ABCB1: variants seen among roughly 807,000 people sequenced by gnomAD.
ABCB1 encodes ATP-dependent translocase ABCB1.
ABCB1 carries 69 observed loss-of-function variants against 142.0 expected under a neutral mutation model. The observed-to-expected ratio is 0.49, with a 90% CI of 0.40 to 0.59. The LOEUF is 0.59. ABCB1 is among the 20% of genes least tolerant of loss of function. ABCB1 has a pLI of 0.00. For missense variants in ABCB1, 1,326 were observed against 1,554.7 expected, an observed-to-expected ratio of 0.85 and a Z score of 2.47; for synonymous variants, 532 against 539.2, an observed-to-expected ratio of 0.99 and a Z score of 0.18.
In ABCB1 at chr7:87,640,414, G is replaced by A. The variant is rs554640540; in HGVS notation, c.-330-39336C>T. On this transcript the variant is annotated intron_variant, in intron 1 of 28. Transcript: ENST00000265724. ...TGCCCAGGCTGGAGTGCAGTAGTGCGATCATAGCTCACTGCAACCCTGAAC... is the reference window on the plus strand; with the variant it reads ...TGCCCAGGCTGGAGTGCAGTAGTGCAATCATAGCTCACTGCAACCCTGAAC... Among the ~76,000 whole-genome samples the A allele has an allele frequency of 1.3e-4, 20 of 152,038 alleles. 1 individual carries two copies. In the South Asian group the frequency reaches 3.7e-3, roughly 28 times the overall value.
At chr7:87,573,612 G>T (rs1044022257) in intron 4 of ABCB1, among the ~76,000 whole-genome samples, 1 of 152,036 alleles carries the variant, frequency 6.6e-6, no homozygotes, top group African/African-American at 2.4e-5. Flanking sequence ...TAATCATAGT[G>T]CTTCCATTGA....
chr7:87,508,263 C>T (rs531445432), intron 26 of ABCB1, among the ~76,000 whole-genome samples: 2 of 152,324 alleles, frequency 1.3e-5, no homozygotes, highest in South Asian at 2.1e-4. Context: ...GAAAATTTCA[C>T]ACATGATCTC....
chr7:87,650,754 C>T (rs1343594095), intron 1 of ABCB1: 1 of 906,458 alleles, frequency 1.1e-6, no homozygotes, highest in Non-Finnish European at 1.8e-6. Flanking sequence ...TTGCCTTCCT[C>T]CCATTTTTTT....
chr7:87,591,018 T>A (rs12535512), intron 3 of ABCB1, among the ~76,000 whole-genome samples: 1 of 151,964 alleles, frequency 6.6e-6, no homozygotes, highest in African/African-American at 2.4e-5. Context: ...TTTCTTTACA[T>A]GATAAAAGGG....
intron 5 of ABCB1, among the ~76,000 whole-genome samples, chr7:87,567,207 C>T (rs555732856): frequency 6.6e-6 from 1 of 152,378 alleles, no homozygotes; most frequent in African/African-American, 2.4e-5. Flanking sequence ...CAGCTCTTCA[C>T]TTCACTGTTA....
At chr7:87,603,839 T>C (rs1337043175), upstream of ABCB1, among the ~76,000 whole-genome samples, 1 of 152,234 alleles carries the variant, frequency 6.6e-6, no homozygotes, top group Non-Finnish European at 1.5e-5. Context: ...TATCCCACAG[T>C]TACCTTTTTG....
rs28381888 is a variant in ABCB1, at chr7:87,552,191, T to C, written c.1000-1353A>G. Among the ~76,000 whole-genome samples the C allele has an allele frequency of 7.2e-5, 11 of 152,200 alleles. 1 individual carries two copies. The highest frequency in any genetic ancestry group is 3.3e-4 in the Admixed American group (5 of 15,288). On this transcript the variant is annotated intron_variant, in intron 9 of 27. Coordinates refer to ENST00000622132, the MANE Select transcript of ABCB1 (RefSeq NM_001348946.2). ...CTTTTGTTTTTTTGTTTTGTGCAAA[T>C]CAGTTTCTTATTGGTAAAGACTTAA...
chr7:87,515,007 G>T (rs1032018432), intron 25 of ABCB1, among the ~76,000 whole-genome samples: 1 of 152,158 alleles, frequency 6.6e-6, no homozygotes, highest in Non-Finnish European at 1.5e-5. Context: ...TGGTACAAAG[G>T]GTGCTTGCAA....
chr7:87,554,014 A>T, intron 8 of ABCB1, 82 bp from the exon 9 acceptor site: 1 of 1,317,040 alleles, frequency 7.6e-7, no homozygotes, highest in East Asian at 2.3e-5. Flanking sequence ...AGTGGCTAGG[A>T]TGTGTTCAGT....
chr7:87,545,222 A>G (rs781218374), intron 15 of ABCB1, among the ~76,000 whole-genome samples: 1 of 152,162 alleles, frequency 6.6e-6, no homozygotes, highest in Non-Finnish European at 1.5e-5. Context: ...CACTGCATAT[A>G]CTGAAATAAT....
intron 7 of ABCB1, among the ~76,000 whole-genome samples, chr7:87,561,706 C>T (rs2129780934): frequency 6.6e-6 from 1 of 152,290 alleles, no homozygotes; most frequent in Admixed American, 6.5e-5. Context: ...ACATGACAGG[C>T]CAGGTGTGGT....
chr7:87,568,266 T>TAATAATAATAATAATAATAATAA lies in ABCB1; in HGVS notation c.339-1291_339-1290insTTATTATTATTATTATTATTATT, dbSNP rs377151956. On this transcript the variant is annotated intron_variant, in intron 5 of 27. Coordinates refer to ENST00000622132, the MANE Select transcript of ABCB1 (RefSeq NM_001348946.2). Reference sequence around the variant, plus strand: ...ACAATAATAATAATAATAATAATAATAAAAATTAGCCGGGTGTGGTGGTGC... The same window carrying TAATAATAATAATAATAATAATAA: ...ACAATAATAATAATAATAATAATAATAATAATAATAATAATAATAATAAAAAAATTAGCCGGGTGTGGTGGTGC... Among the ~76,000 whole-genome samples the TAATAATAATAATAATAATAATAA allele has an allele frequency of 3.8e-3, 549 of 145,644 alleles. 3 individuals are homozygous for TAATAATAATAATAATAATAATAA. Among genetic ancestry groups the TAATAATAATAATAATAATAATAA allele is most frequent in the African/African-American group, 0.013 (510 of 38,964 alleles).
At chr7:87,615,818 T>G (rs576233072) in intron 1 of ABCB1, among the ~76,000 whole-genome samples, 16 of 152,290 alleles carry the variant, frequency 1.1e-4, no homozygotes, top group African/African-American at 3.8e-4. Flanking sequence ...GGGTTTAAGT[T>G]TGAAAGGTGC....
upstream of ABCB1, among the ~76,000 whole-genome samples, chr7:87,605,269 G>T (rs6952798): frequency 6.6e-6 from 1 of 152,128 alleles, no homozygotes; most frequent in Non-Finnish European, 1.5e-5. Context: ...GAGTAGCTGG[G>T]ATTATGGGAG....
At chr7:87,515,530 G>T in intron 24 of ABCB1, 102 bp from the exon 25 acceptor site, 1 of 1,012,732 alleles carries the variant, frequency 9.9e-7, no homozygotes. Context: ...TAATTAATTT[G>T]TGTTACAATT....
At chr7:87,606,111 C>T (rs1409056993) in intron 1 of ABCB1, among the ~76,000 whole-genome samples, 1 of 151,726 alleles carries the variant, frequency 6.6e-6, no homozygotes, top group African/African-American at 2.4e-5. Flanking sequence ...ATATAAAGAG[C>T]TTATATAAAT....
At chr7:87,701,949 C>CTGG (rs1829080972) in intron 1 of ABCB1, among the ~76,000 whole-genome samples, 1 of 151,844 alleles carries the variant, frequency 6.6e-6, no homozygotes, top group African/African-American at 2.4e-5. Flanking sequence ...CGAGACCATC[C>CTGG]TGGCTAACAT....
chr7:87,557,186 C>T (rs1430459930), intron 8 of ABCB1, among the ~76,000 whole-genome samples: 1 of 152,116 alleles, frequency 6.6e-6, no homozygotes, highest in Non-Finnish European at 1.5e-5. Flanking sequence ...TTCTTCCTCC[C>T]TTTCTCCATT....
chr7:87,519,418 G>A lies in ABCB1; in HGVS notation c.2835C>T (p.Thr945=). 1 of 1,614,044 alleles carries A rather than the reference G, an allele frequency of 6.2e-7. No individual in the cohort carries two copies. The highest frequency in any genetic ancestry group is 8.5e-7 in the Non-Finnish European group (1 of 1,179,944). Residue 945 remains threonine (T), a synonymous_variant, in exon 23 of 28, where the codon ACC becomes ACT. Transcript: ENST00000622132. Reference sequence around the variant, plus strand: ...CATAGGAAAAATACATCATTGCCTGGGTGAAGGAAAATGTAATTCCAAAGA... The same window carrying A: ...CATAGGAAAAATACATCATTGCCTGAGTGAAGGAAAATGTAATTCCAAAGA... ...AHIFGITFSF[T]QAMMYFSYAG...
Sources: gnomAD v4.1 joint callset for allele counts (sites outside exome capture counted in the v4.1 genomes callset) on GRCh38, gnomAD v4.1.1 for gene constraint, MANE v1.5 for transcripts, NCBI Gene and HGNC (gene_info 2026-07-23, HGNC 2026-07-21) for gene names.